SLC44A1: variants seen among roughly 807,000 people sequenced by gnomAD.
SLC44A1 encodes choline transporter-like protein 1.
Under a neutral mutation model 79.3 loss-of-function variants are expected in SLC44A1, and 26 were observed. The ratio of observed to expected loss-of-function variants is 0.33; its 90% confidence interval spans 0.24 to 0.46. SLC44A1 has a LOEUF of 0.46. Ranked by LOEUF, SLC44A1 falls within the 20% of genes least tolerant of loss-of-function variation. SLC44A1 has a pLI of 1.00. For missense variants in SLC44A1, 688 were observed against 798.1 expected (o/e 0.86, Z 1.66); for synonymous variants, 263 against 286.2 (o/e 0.92, Z 0.82).
In SLC44A1 at chr9:105,394,305, T is replaced by C; in HGVS notation, c.*5249T>C. 1 of 985,372 alleles carries C rather than the reference T, an allele frequency of 1.0e-6. No homozygotes were observed. Among genetic ancestry groups the C allele is most frequent in the Non-Finnish European group, 1.2e-6 (1 of 829,912 alleles). The allele number at this position is 985,372 out of a possible 1,614,324, so 61.0% of individuals were successfully genotyped here. ...TTTATAACTTAAAGACTTTATGTAA[T>C]TTAGTAGCAGGTTAGGGAATAGAAA... On this transcript the variant is annotated 3_prime_UTR_variant, in exon 16 of 16. Coordinates refer to ENST00000374720, the MANE Select transcript of SLC44A1 (RefSeq NM_080546.5).
intron 1 of SLC44A1, among the ~76,000 whole-genome samples, chr9:105,247,891 A>G (rs6479303): frequency 6.6e-6 from 1 of 152,142 alleles, no homozygotes; most frequent in African/African-American, 2.4e-5. Flanking sequence ...GTCCTCTTCT[A>G]AACTCAAACC....
chr9:105,356,189 A>C (rs200020876), intron 5 of SLC44A1, 23 bp from the exon 6 acceptor site: 88 of 1,581,258 alleles, frequency 5.6e-5, no homozygotes, highest in Non-Finnish European at 6.7e-5. Flanking sequence ...TTTTTTTCTG[A>C]TTTTTTTTTC....
chr9:105,304,363 C>T (rs1268468429), intron 2 of SLC44A1, among the ~76,000 whole-genome samples: 1 of 152,140 alleles, frequency 6.6e-6, no homozygotes, highest in East Asian at 1.9e-4. Flanking sequence ...TTACCTGATC[C>T]AAATGACTTG....
intron 1 of SLC44A1, among the ~76,000 whole-genome samples, chr9:105,264,572 T>G (rs1193318120): frequency 1.3e-5 from 2 of 152,258 alleles, no homozygotes; most frequent in Non-Finnish European, 2.9e-5. Context: ...CTTGTTCTAC[T>G]GTCTACCCAG....
chr9:105,424,408 A>G (rs1829293463), intron 15 of SLC44A1, among the ~76,000 whole-genome samples: 1 of 152,170 alleles, frequency 6.6e-6, no homozygotes, highest in Non-Finnish European at 1.5e-5. Flanking sequence ...GGTAAGCGTG[A>G]GCAGCCCCTC....
chr9:105,269,900 C>T (rs1368009354), intron 1 of SLC44A1, among the ~76,000 whole-genome samples: 1 of 152,162 alleles, frequency 6.6e-6, no homozygotes, highest in African/African-American at 2.4e-5. Flanking sequence ...GTGTGCCACA[C>T]TGGTAACATG....
chr9:105,290,691 G>A (rs937277474), intron 1 of SLC44A1, among the ~76,000 whole-genome samples: 44 of 152,294 alleles, frequency 2.9e-4, no homozygotes, highest in African/African-American at 1.0e-3. Flanking sequence ...GGGAATTGGA[G>A]GCAGAATGAA....
At chr9:105,405,162 A>C (rs1457518210) in intron 15 of SLC44A1, among the ~76,000 whole-genome samples, 1 of 152,128 alleles carries the variant, frequency 6.6e-6, no homozygotes, top group Non-Finnish European at 1.5e-5. Flanking sequence ...TCTACTAAAA[A>C]TACAAAAAAT....
In SLC44A1 at chr9:105,389,791, T is replaced by G; in HGVS notation, c.*735T>G. 1 of 1,335,868 alleles carries G rather than the reference T, an allele frequency of 7.5e-7. No individual in the cohort carries two copies. Among genetic ancestry groups the G allele is most frequent in the Non-Finnish European group, 9.6e-7 (1 of 1,038,310 alleles). 82.8% of individuals were successfully genotyped at this position (1,335,868 alleles called of 1,614,324 possible). A position where few individuals can be genotyped will look rare whatever the true frequency, so the allele number is the denominator to read the frequency against. ...CAAACTTTTCCCTTATATTTTGTCT[T>G]TCTTTCCTTTTTGACTTTAGTAGCA... On this transcript the variant is annotated 3_prime_UTR_variant, in exon 16 of 16. Transcript: ENST00000374720.
chr9:105,262,715 C>T (rs1829869484), intron 1 of SLC44A1, among the ~76,000 whole-genome samples: 1 of 152,146 alleles, frequency 6.6e-6, no homozygotes. Context: ...GTTTAGTGTT[C>T]CATGGCCATG....
At chr9:105,437,634 G>A (rs1406186249) in intron 15 of SLC44A1, among the ~76,000 whole-genome samples, 1 of 152,090 alleles carries the variant, frequency 6.6e-6, no homozygotes, top group Admixed American at 6.6e-5. Flanking sequence ...AAAGAATCAT[G>A]TTATACTTCT....
chr9:105,268,001 C>A (rs527796845), intron 1 of SLC44A1, among the ~76,000 whole-genome samples: 1 of 152,212 alleles, frequency 6.6e-6, no homozygotes, highest in African/African-American at 2.4e-5. Context: ...TGCCAGAGTC[C>A]TGGGACTCAA....
intron 15 of SLC44A1, among the ~76,000 whole-genome samples, chr9:105,419,624 T>C (rs549478806): frequency 6.6e-6 from 1 of 152,284 alleles, no homozygotes; most frequent in East Asian, 1.9e-4. Flanking sequence ...TAGAAGGCCA[T>C]GTATTTCTAG....
At chr9:105,412,516 CCAAGGTCTGGGCA>C (rs925471520) in intron 15 of SLC44A1, among the ~76,000 whole-genome samples, 9 of 152,160 alleles carry the variant, frequency 5.9e-5, no homozygotes, top group Admixed American at 1.3e-4. Context: ...TATTTGGAAA[CCAAGGTCTGGGCA>C]CAATATGTGC....
At chr9:105,343,122 TAC>T (rs778635383) in intron 4 of SLC44A1, among the ~76,000 whole-genome samples, 1 of 152,168 alleles carries the variant, frequency 6.6e-6, no homozygotes, top group Non-Finnish European at 1.5e-5. Flanking sequence ...TGTTTTATAA[TAC>T]ATGTTTTATC....
At chr9:105,312,539 A>G (rs1426950340) in intron 3 of SLC44A1, among the ~76,000 whole-genome samples, 2 of 152,230 alleles carry the variant, frequency 1.3e-5, no homozygotes, top group African/African-American at 2.4e-5. Context: ...TCCTTAGAAT[A>G]TGTTTTAAGA....
At position 105,304,917 on chromosome 9, in the gene SLC44A1, G is replaced by A. The variant is rs148596496; in HGVS notation, c.127-4807G>A. On this transcript the variant is annotated intron_variant, in intron 2 of 15. Coordinates refer to ENST00000374720, the MANE Select transcript of SLC44A1 (RefSeq NM_080546.5). ...TGTATATGCTCAATAAATGCTTATTGAGTAGTTATTCCCTAGACTTTCTAT... is the reference window on the plus strand; with the variant it reads ...TGTATATGCTCAATAAATGCTTATTAAGTAGTTATTCCCTAGACTTTCTAT... Among the ~76,000 whole-genome samples the A allele has an allele frequency of 1.8e-3, 177 of 101,050 alleles. 1 individual carries two copies. Among genetic ancestry groups the A allele is most frequent in the African/African-American group, 5.5e-3 (159 of 28,832 alleles). 66.3% of individuals were successfully genotyped at this position (101,050 alleles called of 152,430 possible).
chr9:105,415,279 G>C (rs558700130), intron 15 of SLC44A1, among the ~76,000 whole-genome samples: 1 of 152,282 alleles, frequency 6.6e-6, no homozygotes, highest in East Asian at 1.9e-4. Context: ...ATCACAATAG[G>C]GGGTGCAAGG....
intron 5 of SLC44A1, among the ~76,000 whole-genome samples, chr9:105,350,848 T>C (rs1221528576): frequency 6.6e-6 from 1 of 152,252 alleles, no homozygotes; most frequent in Non-Finnish European, 1.5e-5. Flanking sequence ...CCATCTTTCT[T>C]GGGTATCCAG....
Sources: gnomAD v4.1 joint callset for allele counts (sites outside exome capture counted in the v4.1 genomes callset) on GRCh38, gnomAD v4.1.1 for gene constraint, MANE v1.5 for transcripts, NCBI Gene and HGNC (gene_info 2026-07-23, HGNC 2026-07-21) for gene names.